Variants in KIF21B observed in about 807,000 individuals in gnomAD.
KIF21B encodes kinesin-like protein KIF21B.
A neutral mutation model predicts 192.9 loss-of-function variants in KIF21B; 85 were observed. The observed-to-expected ratio is 0.44, with a 90% CI of 0.37 to 0.53. The LOEUF (loss-of-function observed/expected upper bound fraction) is 0.53. KIF21B is among the 20% of genes least tolerant of loss of function. The probability of loss-of-function intolerance (pLI) is 0.00; values close to 1 mark genes in which losing one functional copy is unlikely to be tolerated. For missense variants in KIF21B, 1,716 were observed against 2,194.8 expected (o/e 0.78, Z 4.36); for synonymous variants, 832 against 884.6 (o/e 0.94, Z 1.05).
chr1:200,974,624 A>T, intron 34 of KIF21B, 90 bp downstream of exon 34: 1 of 1,376,486 alleles, frequency 7.3e-7, no homozygotes, highest in Middle Eastern at 1.8e-4. Flanking sequence ...CTGCGGGGAC[A>T]ACTGCAGGGC....
At chr1:200,989,689 T>C (rs1453474876) in intron 21 of KIF21B, among the ~76,000 whole-genome samples, 3 of 152,258 alleles carry the variant, frequency 2.0e-5, no homozygotes, top group Non-Finnish European at 4.4e-5. Flanking sequence ...AGAGGCCCTG[T>C]TGTGTGCCAG....
In KIF21B at chr1:201,023,558, G is replaced by C. The variant is rs2102494661; in HGVS notation, c.-175C>G. The stretch of plus-strand genomic sequence containing the variant: ...GCGGCAGGCCGAGGGGCTCACCCGC[G>C]GCCGGCCCCCCGGGGCTGGGCCCGC... On this transcript the variant is annotated 5_prime_UTR_variant, in exon 1 of 35. Transcript: ENST00000461742. This position sits in a 1 kb window ranked among gnomAD's most constrained non-coding sequence, Gnocchi z 5.9. 1 of 180,510 alleles carries C rather than the reference G, an allele frequency of 5.5e-6. No individual in the cohort carries two copies. The highest frequency in any genetic ancestry group is 1.6e-4 in the South Asian group (1 of 6,198). 11.2% of individuals were successfully genotyped at this position (180,510 alleles called of 1,614,324 possible). A position where few individuals can be genotyped will look rare whatever the true frequency, so the allele number is the denominator to read the frequency against.
chr1:200,987,071 C>A lies in KIF21B; in HGVS notation c.3539G>T (p.Gly1180Val). Residue 1180 changes from glycine to valine, a missense_variant, in exon 25 of 35, where the codon GGC becomes GTC. By Grantham distance (109) the Gly-to-Val change is moderately radical. Transcript: ENST00000461742. ...GTAATAGGGGTCTCGGACAGAGAAG[C>A]CCACTCCGTCCTCTTTGATCTCAAC... ...SLVEIKEDGVGFSVRDPYYRD... is the reference protein window; with the variant it reads ...SLVEIKEDGVVFSVRDPYYRD... The A allele has an allele frequency of 6.2e-7, 1 of 1,614,050 alleles. No homozygotes were observed. Among genetic ancestry groups the A allele is most frequent in the Non-Finnish European group, 8.5e-7 (1 of 1,180,016 alleles).
chr1:200,969,962 C>CCATCCCT lies in KIF21B; in HGVS notation c.*3558_*3559insAGGGATG. 6.6e-6 allele frequency: 1 copy of CCATCCCT among 152,508 alleles called. No individual in the cohort carries two copies. The highest frequency in any genetic ancestry group is 2.4e-5 in the African/African-American group (1 of 41,474). 9.4% of individuals were successfully genotyped at this position (152,508 alleles called of 1,614,324 possible). ...AGCAAGGAGAGCAGCAAGCAGTTGC[C>CCATCCCT]TGTTTGGGATGGCAAAGGGACACAT... On this transcript the variant is annotated 3_prime_UTR_variant, in exon 35 of 35. Coordinates refer to ENST00000461742, the MANE Select transcript of KIF21B (RefSeq NM_001252102.2).
Position 200,992,394 on chromosome 1 carries a change from G to C in KIF21B, c.2278-5C>G, listed in dbSNP as rs781693257. On this transcript the variant is annotated splice_region_variant and splice_polypyrimidine_tract_variant and intron_variant, in intron 15 of 34. Transcript: ENST00000461742. Reference sequence around the variant, plus strand: ...CATCTGCTTCATCAGGGCCACCTGGGATGGGCAGAGATTATGGTGGTGAGA... The same window carrying C: ...CATCTGCTTCATCAGGGCCACCTGGCATGGGCAGAGATTATGGTGGTGAGA... 1 of 1,612,038 alleles carries C rather than the reference G, an allele frequency of 6.2e-7. No homozygotes were observed. Among genetic ancestry groups the C allele is most frequent in the South Asian group, 1.1e-5 (1 of 91,088 alleles).
Position 200,975,811 on chromosome 1 carries a change from G to T in KIF21B, c.4444-142C>A, listed in dbSNP as rs2102371326. On this transcript the variant is annotated intron_variant, in intron 32 of 34. Coordinates refer to ENST00000461742, the MANE Select transcript of KIF21B (RefSeq NM_001252102.2). The surrounding 1 kb of genome is among the most constrained non-coding windows in gnomAD (Gnocchi z 4.3). The stretch of plus-strand genomic sequence containing the variant: ...GCCCTCTGGGGAGAGGAGCTTCCCA[G>T]CAGGCGAGGGTTCCTGGAGGTGGGG... 1.3e-6 allele frequency: 1 copy of T among 778,406 alleles called. No homozygotes were observed. The highest frequency in any genetic ancestry group is 2.0e-5 in the South Asian group (1 of 50,828). 48.2% of individuals were successfully genotyped at this position (778,406 alleles called of 1,614,324 possible). A position where few individuals can be genotyped will look rare whatever the true frequency, so the allele number is the denominator to read the frequency against.
At position 200,998,029 on chromosome 1, in the gene KIF21B, A is replaced by G. The variant is rs1657190776; in HGVS notation, c.2077+355T>C. 6.6e-6 allele frequency among the ~76,000 whole-genome samples: 1 copy of G among 152,254 alleles called. No homozygotes were observed. Among genetic ancestry groups the G allele is most frequent in the South Asian group, 2.1e-4 (1 of 4,838 alleles). Reference sequence around the variant, plus strand: ...AAATGGAATGAATGGGCTGAAGAGCAGCATAATGAAGATAGAATGTAAGAA... The same window carrying G: ...AAATGGAATGAATGGGCTGAAGAGCGGCATAATGAAGATAGAATGTAAGAA... On this transcript the variant is annotated intron_variant, in intron 14 of 34. Coordinates refer to ENST00000461742, the MANE Select transcript of KIF21B (RefSeq NM_001252102.2). This position sits in a 1 kb window ranked among gnomAD's most constrained non-coding sequence, Gnocchi z 4.3.
At chr1:201,013,110 GT>G (rs1348875975) in intron 1 of KIF21B, among the ~76,000 whole-genome samples, 1 of 152,188 alleles carries the variant, frequency 6.6e-6, no homozygotes, top group African/African-American at 2.4e-5. Flanking sequence ...GGCAGACACT[GT>G]CTCAGTCATC....
chr1:201,012,286 G>T (rs981143021), intron 1 of KIF21B, among the ~76,000 whole-genome samples: 1 of 152,172 alleles, frequency 6.6e-6, no homozygotes, highest in African/African-American at 2.4e-5. Context: ...TGGGAGACAG[G>T]GGGGCATGGA....
intron 3 of KIF21B, among the ~76,000 whole-genome samples, chr1:201,007,569 C>T (rs12129299): frequency 1.3e-5 from 2 of 150,292 alleles, no homozygotes; most frequent in African/African-American, 2.5e-5. Flanking sequence ...CACAGAGACA[C>T]ACACACAGAC....
intron 27 of KIF21B, among the ~76,000 whole-genome samples, chr1:200,984,330 C>T (rs1656140148): frequency 6.6e-6 from 1 of 152,212 alleles, no homozygotes; most frequent in South Asian, 2.1e-4. Context: ...AGGGAGAAAG[C>T]CTGAATGCAG....
At chr1:200,977,414 A>G in intron 30 of KIF21B, 38 bp from the exon 31 acceptor site, 1 of 1,606,998 alleles carries the variant, frequency 6.2e-7, no homozygotes, top group Non-Finnish European at 8.5e-7. Context: ...AGGTCAAAAC[A>G]ATCCATGTGC....
At position 200,990,877 on chromosome 1, in the gene KIF21B, C is replaced by G. The variant is rs778776399; in HGVS notation, c.2687+40G>C. On this transcript the variant is annotated intron_variant, in intron 18 of 34. Transcript: ENST00000461742. The surrounding 1 kb of genome is among the most constrained non-coding windows in gnomAD (Gnocchi z 5.4). ...TGGCCCTGCCCCATATTCCCACCCC[C>G]TCTGCCTGCACAGGCCAGGGGACTG... 1.9e-6 allele frequency: 3 copies of G among 1,611,496 alleles called. No individual in the cohort carries two copies. The South Asian group carries it at 3.3e-5, about 18-fold the overall frequency.
At chr1:200,995,902 G>A (rs1657030578) in intron 15 of KIF21B, among the ~76,000 whole-genome samples, 3 of 152,212 alleles carry the variant, frequency 2.0e-5, no homozygotes, top group Middle Eastern at 3.4e-3. Flanking sequence ...TCCCCAACAG[G>A]AGGCAGCACC....
rs760961910 is a variant in KIF21B at position 200,988,960 on chromosome 1, A to G, written c.3133-29T>C. The G allele has an allele frequency of 1.9e-6, 3 of 1,586,746 alleles. No individual in the cohort carries two copies. In the Admixed American group the frequency reaches 5.2e-5, roughly 28 times the overall value. On this transcript the variant is annotated intron_variant, in intron 21 of 34. Transcript: ENST00000461742. ...GGGGCAGGGAACAAAGCCTGGAGTT[A>G]CCCCTCCTGGGGGTTGGGAGTCACC...
At chr1:200,979,818 C>T in intron 29 of KIF21B, 103 bp from the exon 30 acceptor site, 1 of 931,960 alleles carries the variant, frequency 1.1e-6, no homozygotes, top group Non-Finnish European at 1.5e-6. Context: ...GAAAGGGATC[C>T]ACAGGGCTCC....
At chr1:200,989,364 C>G (rs1489775734) in intron 21 of KIF21B, among the ~76,000 whole-genome samples, 2 of 152,156 alleles carry the variant, frequency 1.3e-5, no homozygotes, top group East Asian at 1.9e-4. Context: ...GAGGAGGGGT[C>G]AGGCGGCAGA....
At chr1:201,008,499 T>C (rs1467892819) in intron 3 of KIF21B, among the ~76,000 whole-genome samples, 2 of 152,142 alleles carry the variant, frequency 1.3e-5, no homozygotes, top group African/African-American at 4.8e-5. Context: ...GTCACAAGGC[T>C]AATCAGTGTC....
At chr1:200,991,792 G>C in intron 16 of KIF21B, 67 bp from the exon 17 acceptor site, 6 of 1,518,138 alleles carry the variant, frequency 4.0e-6, no homozygotes, top group Non-Finnish European at 5.4e-6. Context: ...CTGTGTACAG[G>C]CTGGCTAGCC....
Sources: allele counts gnomAD v4.1 joint callset (sites outside exome capture counted in the v4.1 genomes callset), GRCh38; gene constraint gnomAD v4.1.1; non-coding constraint Gnocchi (gnomAD v3.1); transcripts MANE v1.5; gene names NCBI Gene and HGNC (gene_info 2026-07-23, HGNC 2026-07-21).